The following FARS2 variants were observed in gnomAD, a reference collection of about 807,000 sequenced individuals.
FARS2 encodes phenylalanine--tRNA ligase, mitochondrial.
Under a neutral mutation model 46.4 loss-of-function variants are expected in FARS2, and 40 were observed. The ratio of observed to expected loss-of-function variants is 0.86; its 90% CI spans 0.67 to 1.12. The LOEUF (loss-of-function observed/expected upper bound fraction) is 1.12, where lower values mean the gene tolerates loss of function less well. FARS2 is among the 50% of genes most tolerant of loss of function. The probability of loss-of-function intolerance (pLI) is 0.00; values close to 1 mark genes in which losing one functional copy is unlikely to be tolerated. For missense variants in FARS2, 513 were observed against 567.9 expected, an observed-to-expected ratio of 0.90 and a Z score of 0.98; for synonymous variants, 234 against 214.9, an observed-to-expected ratio of 1.09 and a Z score of -0.78.
At chr6:5,509,522 AG>A (rs1379376963) in intron 4 of FARS2, among the ~76,000 whole-genome samples, 3 of 152,338 alleles carry the variant, frequency 2.0e-5, no homozygotes, top group African/African-American at 7.2e-5. Context: ...TCGGCAGACA[AG>A]GGGCAGACTC....
chr6:5,559,469 A>C (rs1771867808), intron 5 of FARS2, among the ~76,000 whole-genome samples: 1 of 152,128 alleles, frequency 6.6e-6, no homozygotes, highest in South Asian at 2.1e-4. Context: ...CGTCTCCCTG[A>C]TTTCATTCTG....
chr6:5,766,288 C>A (rs1325559018), intron 6 of FARS2, among the ~76,000 whole-genome samples: 1 of 152,240 alleles, frequency 6.6e-6, no homozygotes, highest in African/African-American at 2.4e-5. Context: ...GTGCCCACCC[C>A]GGCCCCCATG....
At chr6:5,348,445 C>T (rs760998644) in intron 1 of FARS2, among the ~76,000 whole-genome samples, 2 of 101,980 alleles carry the variant, frequency 2.0e-5, no homozygotes, top group Non-Finnish European at 4.0e-5. Flanking sequence ...AATGTATATA[C>T]ACTCATGTCT....
At chr6:5,720,021 A>G (rs566191866) in intron 6 of FARS2, among the ~76,000 whole-genome samples, 1 of 152,238 alleles carries the variant, frequency 6.6e-6, no homozygotes, top group South Asian at 2.1e-4. Context: ...GTGCTTTCCT[A>G]TTAAAAACTG....
chr6:5,656,581 C>T (rs925171791), intron 6 of FARS2, among the ~76,000 whole-genome samples: 21 of 64,704 alleles, frequency 3.2e-4, no homozygotes, highest in African/African-American at 1.5e-3. Context: ...GACAGAGTCT[C>T]GCTCTGTCGC....
In FARS2 at chr6:5,405,480, C is replaced by CTTTTTTTTTTTTTTTTTTTTTT. The variant is rs398000284; in HGVS notation, c.772+783_772+804dup. On this transcript the variant is annotated intron_variant, in intron 3 of 6. Transcript: ENST00000274680. ...AGGACGTGATCAGTGGAGCAAGGTT[C>CTTTTTTTTTTTTTTTTTTTTTT]TTTTTTTTTTTTTTTTTTTTTTTTT... 2.7e-4 allele frequency among the ~76,000 whole-genome samples: 16 copies of CTTTTTTTTTTTTTTTTTTTTTT among 58,952 alleles called. 5 individuals carry two copies. The highest frequency in any genetic ancestry group is 4.5e-4 in the African/African-American group (7 of 15,400). 38.7% of individuals were successfully genotyped at this position (58,952 alleles called of 152,430 possible). A position where few individuals can be genotyped will look rare whatever the true frequency, so the allele number is the denominator to read the frequency against.
chr6:5,356,023 C>T (rs1019587074), intron 1 of FARS2, among the ~76,000 whole-genome samples: 3 of 152,274 alleles, frequency 2.0e-5, no homozygotes, highest in Admixed American at 6.5e-5. Flanking sequence ...CGCATGTTCC[C>T]AGCTGAGGTT....
chr6:5,655,801 C>A (rs1777579905), intron 6 of FARS2, among the ~76,000 whole-genome samples: 1 of 152,208 alleles, frequency 6.6e-6, no homozygotes, highest in African/African-American at 2.4e-5. Context: ...GAGGATCATT[C>A]TTTTACCTAC....
At chr6:5,712,090 C>T (rs947455666) in intron 6 of FARS2, among the ~76,000 whole-genome samples, 3 of 152,156 alleles carry the variant, frequency 2.0e-5, no homozygotes, top group African/African-American at 7.2e-5. Flanking sequence ...TTTTTTAAAG[C>T]GTTCACTTTA....
intron 1 of FARS2, among the ~76,000 whole-genome samples, chr6:5,325,732 TAA>T (rs1253439419): frequency 1.3e-5 from 2 of 152,192 alleles, no homozygotes; most frequent in Non-Finnish European, 2.9e-5. Context: ...TTTCTATTAT[TAA>T]GTTTCATAAG....
intron 4 of FARS2, among the ~76,000 whole-genome samples, chr6:5,515,502 C>T (rs1293425267): frequency 6.6e-6 from 1 of 152,194 alleles, no homozygotes; most frequent in Admixed American, 6.5e-5. Flanking sequence ...GATCTCAGCT[C>T]ACTACAACCT....
chr6:5,474,183 A>C (rs1162545822), intron 4 of FARS2, among the ~76,000 whole-genome samples: 10 of 152,204 alleles, frequency 6.6e-5, no homozygotes, highest in Non-Finnish European at 1.5e-4. Flanking sequence ...CGCTGTCTAC[A>C]TGTATTAATT....
chr6:5,731,894 C>A (rs1760647495), intron 6 of FARS2, among the ~76,000 whole-genome samples: 1 of 152,148 alleles, frequency 6.6e-6, no homozygotes, highest in Admixed American at 6.5e-5. Flanking sequence ...CATGTTTCAT[C>A]TGGGCTGTAT....
intron 5 of FARS2, among the ~76,000 whole-genome samples, chr6:5,602,146 C>T (rs1416159458): frequency 1.3e-5 from 2 of 152,102 alleles, no homozygotes; most frequent in African/African-American, 4.8e-5. Context: ...GATAGTGCTA[C>T]CCTGTTTCAG....
At chr6:5,477,788 A>G (rs1434159399) in intron 4 of FARS2, among the ~76,000 whole-genome samples, 1 of 152,072 alleles carries the variant, frequency 6.6e-6, no homozygotes, top group East Asian at 1.9e-4. Context: ...GGAGGCCAAG[A>G]TGGGAGGATG....
chr6:5,389,331 C>G (rs896889795), intron 2 of FARS2, among the ~76,000 whole-genome samples: 1 of 152,232 alleles, frequency 6.6e-6, no homozygotes, highest in Non-Finnish European at 1.5e-5. Flanking sequence ...GCCATCTTCT[C>G]TCTTGTGTCC....
intron 3 of FARS2, among the ~76,000 whole-genome samples, chr6:5,407,283 C>G (rs1341619688): frequency 1.3e-5 from 2 of 151,856 alleles, no homozygotes; most frequent in African/African-American, 4.8e-5. Flanking sequence ...ACTCACTGTT[C>G]TTGATTCACC....
intron 6 of FARS2, among the ~76,000 whole-genome samples, chr6:5,636,979 G>A (rs1776577464): frequency 6.6e-6 from 1 of 152,230 alleles, no homozygotes; most frequent in Non-Finnish European, 1.5e-5. Context: ...GCACCAGATG[G>A]CAAGAAGTCC....
At chr6:5,505,952 T>G (rs532845167) in intron 4 of FARS2, among the ~76,000 whole-genome samples, 1 of 152,342 alleles carries the variant, frequency 6.6e-6, no homozygotes, top group East Asian at 1.9e-4. Flanking sequence ...GAGTCTTTTC[T>G]TTTCCACCTG....
Sources: gnomAD v4.1 joint callset for allele counts (sites outside exome capture counted in the v4.1 genomes callset) on GRCh38, gnomAD v4.1.1 for gene constraint, MANE v1.5 for transcripts, NCBI Gene and HGNC (gene_info 2026-07-23, HGNC 2026-07-21) for gene names.